The following SYCP2L variants were observed in gnomAD, a reference collection of about 807,000 sequenced individuals.
SYCP2L encodes synaptonemal complex protein 2-like.
In SYCP2L, 98 loss-of-function variants were observed where a neutral mutation model predicts 125.8. The observed-to-expected ratio is 0.78, with a 90% CI of 0.66 to 0.92. SYCP2L has a LOEUF of 0.92. SYCP2L is among the 40% of genes least tolerant of loss of function. The pLI is 0.00. For synonymous variants in SYCP2L, 317 were observed against 325.4 expected, an observed-to-expected ratio of 0.97 and a Z score of 0.28; for missense variants, 842 against 936.4, an observed-to-expected ratio of 0.90 and a Z score of 1.32.
intron 29 of SYCP2L, among the ~76,000 whole-genome samples, chr6:10,969,994 A>T (rs1781744375): frequency 6.6e-6 from 1 of 152,176 alleles, no homozygotes; most frequent in Non-Finnish European, 1.5e-5. Flanking sequence ...CTGGGGTAGA[A>T]TGATACCCAC....
At chr6:10,906,851 G>A (rs985437823) in intron 9 of SYCP2L, among the ~76,000 whole-genome samples, 4 of 151,612 alleles carry the variant, frequency 2.6e-5, no homozygotes, top group African/African-American at 7.3e-5. Flanking sequence ...CTCCTGCCTC[G>A]GCCTCCCAAA....
intron 20 of SYCP2L, among the ~76,000 whole-genome samples, chr6:10,933,138 A>G (rs1423636279): frequency 6.6e-6 from 1 of 152,242 alleles, no homozygotes; most frequent in Non-Finnish European, 1.5e-5. Flanking sequence ...CTGACTTTCT[A>G]CAAATACTGG....
rs1166425128 is a variant in SYCP2L at position 10,935,255 on chromosome 6, A to G, written c.1813+68A>G. The stretch of plus-strand genomic sequence containing the variant: ...TTGGGAAAGGTAGTTTGAAGTAAAC[A>G]AAACATTTTTATTTTAATATCTATT... On this transcript the variant is annotated intron_variant, in intron 21 of 29. Coordinates refer to ENST00000283141, the MANE Select transcript of SYCP2L (RefSeq NM_001040274.3). 43 of 1,502,024 alleles carry G rather than the reference A, an allele frequency of 2.9e-5. No homozygotes were observed. The East Asian group carries it at 8.7e-4, about 30-fold the overall frequency. 93.0% of individuals were successfully genotyped at this position (1,502,024 alleles called of 1,614,324 possible).
chr6:10,896,391 C>T (rs1048698335), intron 4 of SYCP2L, among the ~76,000 whole-genome samples: 7 of 152,218 alleles, frequency 4.6e-5, no homozygotes, highest in Admixed American at 4.6e-4. Context: ...GCCTTTCTGC[C>T]ACTTCTGTAT....
Position 10,912,457 on chromosome 6 carries a change from G to A in SYCP2L, c.919-216G>A, listed in dbSNP as rs1295386338. Among the ~76,000 whole-genome samples the A allele has an allele frequency of 1.3e-5, 2 of 152,180 alleles. No individual in the cohort carries two copies. Among genetic ancestry groups the A allele is most frequent in the African/African-American group, 2.4e-5 (1 of 41,440 alleles). The stretch of plus-strand genomic sequence containing the variant: ...ATATCTATCAAATATGCTAAGGATA[G>A]TGGGATTTTTGGAGGGGTGAGGAGG... On this transcript the variant is annotated intron_variant, in intron 12 of 29. Coordinates refer to ENST00000283141, the MANE Select transcript of SYCP2L (RefSeq NM_001040274.3). This position sits in a 1 kb window ranked among gnomAD's most constrained non-coding sequence, Gnocchi z 4.1.
intron 1 of SYCP2L, among the ~76,000 whole-genome samples, chr6:10,888,526 G>A (rs1445180630): frequency 6.6e-6 from 1 of 152,148 alleles, no homozygotes; most frequent in Non-Finnish European, 1.5e-5. Context: ...CTTCACAGAA[G>A]GGGGATACCT....
At chr6:10,902,290 CT>C (rs1215497418) in intron 6 of SYCP2L, among the ~76,000 whole-genome samples, 1 of 152,174 alleles carries the variant, frequency 6.6e-6, no homozygotes, top group Non-Finnish European at 1.5e-5. Context: ...TCCTCGCTCA[CT>C]TTCCCCCCTG....
At position 10,942,760 on chromosome 6, in the gene SYCP2L, A is replaced by C. The variant is rs762034544; in HGVS notation, c.1954+14A>C. On this transcript the variant is annotated intron_variant, in intron 23 of 29. Coordinates refer to ENST00000283141, the MANE Select transcript of SYCP2L (RefSeq NM_001040274.3). ...TGGAAGACAAAGGTAAGAGAATAGTACTTTTTTTTTTTTTTTTGCAGAATA... is the reference window on the plus strand; with the variant it reads ...TGGAAGACAAAGGTAAGAGAATAGTCCTTTTTTTTTTTTTTTTGCAGAATA... 6.7e-7 allele frequency: 1 copy of C among 1,498,630 alleles called. No homozygotes were observed. The highest frequency in any genetic ancestry group is 8.9e-7 in the Non-Finnish European group (1 of 1,124,886). 92.8% of individuals were successfully genotyped at this position (1,498,630 alleles called of 1,614,324 possible).
intron 21 of SYCP2L, 137 bp downstream of exon 21, chr6:10,935,324 T>C (rs1391748056): frequency 1.1e-6 from 1 of 917,530 alleles, no homozygotes; most frequent in Non-Finnish European, 1.6e-6. Context: ...TTAATGTCTC[T>C]TATTAGCAAA....
At chr6:10,910,295 G>T in intron 11 of SYCP2L, 95 bp downstream of exon 11, 1 of 1,137,652 alleles carries the variant, frequency 8.8e-7, no homozygotes, top group Non-Finnish European at 1.3e-6. Context: ...TTTTAGGAGA[G>T]AATATTGGGT....
At chr6:10,915,529 A>C (rs1780679058) in intron 14 of SYCP2L, among the ~76,000 whole-genome samples, 1 of 152,154 alleles carries the variant, frequency 6.6e-6, no homozygotes, top group Non-Finnish European at 1.5e-5. Context: ...TTTAATCATA[A>C]AGGGATGCTG....
chr6:10,942,471 C>G lies in SYCP2L; in HGVS notation c.1826C>G (p.Pro609Arg), dbSNP rs1389316428. ...DSAQKTELQD[P>R]HSLSELSSLK... is the part of the protein sequence containing the mutation. ...CTCTAATGCTCAGAGCTTCAAGATCCTCACTCACTGAGTGAGCTCTCTTCC... is the reference window on the plus strand; with the variant it reads ...CTCTAATGCTCAGAGCTTCAAGATCGTCACTCACTGAGTGAGCTCTCTTCC... The change falls in exon 22 of 30, where the codon CCT becomes CGT. Residue 609 changes from proline (P) to arginine (R), a missense_variant. Pro to Arg is a moderately radical substitution (Grantham distance 103). Transcript: ENST00000283141. 6.3e-7 allele frequency: 1 copy of G among 1,583,702 alleles called. No individual in the cohort carries two copies. Among genetic ancestry groups the G allele is most frequent in the Non-Finnish European group, 8.5e-7 (1 of 1,170,528 alleles).
chr6:10,945,617 A>G lies in SYCP2L; in HGVS notation c.1954+2871A>G, dbSNP rs557106444. Among the ~76,000 whole-genome samples, 10 of 152,226 alleles carry G rather than the reference A, an allele frequency of 6.6e-5. No individual in the cohort carries two copies. The South Asian group carries it at 2.1e-3, about 32-fold the overall frequency. On this transcript the variant is annotated intron_variant, in intron 23 of 29. Coordinates refer to ENST00000283141, the MANE Select transcript of SYCP2L (RefSeq NM_001040274.3). The stretch of plus-strand genomic sequence containing the variant: ...AAACACTGTCTCTACTAAAAATACA[A>G]AAATTAACCAGGTGTGATGGTGCAT...
At chr6:10,944,233 G>T (rs1243564700) in intron 23 of SYCP2L, among the ~76,000 whole-genome samples, 3 of 152,160 alleles carry the variant, frequency 2.0e-5, no homozygotes, top group African/African-American at 7.2e-5. Context: ...ATATATGTGT[G>T]TGTGGACACT....
chr6:10,955,674 A>G (rs554710372), intron 24 of SYCP2L, among the ~76,000 whole-genome samples: 85 of 152,318 alleles, frequency 5.6e-4, no homozygotes, highest in African/African-American at 2.0e-3. Flanking sequence ...GACAGCCTGG[A>G]TTTGAATCCA....
chr6:10,950,001 C>T lies in SYCP2L; in HGVS notation c.1955-5115C>T, dbSNP rs187910930. Among the ~76,000 whole-genome samples the T allele has an allele frequency of 2.1e-4, 32 of 152,036 alleles. No homozygotes were observed. The East Asian group carries it at 6.0e-3, about 28-fold the overall frequency. On this transcript the variant is annotated intron_variant, in intron 23 of 29. Coordinates refer to ENST00000283141, the MANE Select transcript of SYCP2L (RefSeq NM_001040274.3). The stretch of plus-strand genomic sequence containing the variant: ...CCCCTTTTCCTAGTTTGGAAGTTTT[C>T]GTCCCCTATTTCTAAAGTTAACCCT...
intron 29 of SYCP2L, among the ~76,000 whole-genome samples, chr6:10,967,214 TAA>T (rs1404952224): frequency 1.3e-5 from 2 of 152,116 alleles, no homozygotes; most frequent in Non-Finnish European, 2.9e-5. Context: ...ATTTTTAATA[TAA>T]GTTTTATCAA....
intron 29 of SYCP2L, among the ~76,000 whole-genome samples, chr6:10,967,367 G>C (rs1400055100): frequency 6.6e-6 from 1 of 151,566 alleles, no homozygotes; most frequent in East Asian, 1.9e-4. Context: ...GAAAATTATA[G>C]ATCAGTCTCA....
rs1781548357 is a variant in SYCP2L at position 10,958,864 on chromosome 6, G to A, written c.2244G>A (p.Met748Ile). The A allele has an allele frequency of 6.2e-7, 1 of 1,613,794 alleles. No homozygotes were observed. Among genetic ancestry groups the A allele is most frequent in the Admixed American group, 1.7e-5 (1 of 59,922 alleles). Reference sequence around the variant, plus strand: ...GCCTAATAAAACTTTTAAACCAGATGCAACTGTTCAGGTAAGTTTTAGGTT... The same window carrying A: ...GCCTAATAAAACTTTTAAACCAGATACAACTGTTCAGGTAAGTTTTAGGTT... The part of the protein sequence containing the change: ...PDCLIKLLNQ[M>I]QLFRLNKLER... Residue 748 changes from methionine (M) to isoleucine (I), a missense_variant, in exon 26 of 30, where the codon ATG (methionine) becomes ATA (isoleucine). By Grantham distance (10) the Met-to-Ile change is conservative. Coordinates refer to ENST00000283141, the MANE Select transcript of SYCP2L (RefSeq NM_001040274.3).
Sources: allele counts gnomAD v4.1 joint callset (sites outside exome capture counted in the v4.1 genomes callset), GRCh38; gene constraint gnomAD v4.1.1; non-coding constraint Gnocchi (gnomAD v3.1); transcripts MANE v1.5; gene names NCBI Gene and HGNC (gene_info 2026-07-23, HGNC 2026-07-21).